Variants in LYST observed in about 807,000 individuals in gnomAD.
The protein encoded by LYST is lysosomal-trafficking regulator.
Under a neutral mutation model 413.6 loss-of-function variants are expected in LYST, and 192 were observed. The ratio of observed to expected loss-of-function variants is 0.46; its 90% CI spans 0.41 to 0.52. The LOEUF (loss-of-function observed/expected upper bound fraction) is 0.52, where lower values mean the gene tolerates loss of function less well. LYST is among the 20% of genes least tolerant of loss of function. The pLI, the probability that LYST is intolerant of heterozygous loss-of-function variation, is 0.00. For synonymous variants in LYST, 1,525 were observed against 1,567.3 expected, an observed-to-expected ratio of 0.97 and a Z score of 0.64; for missense variants, 3,815 against 4,499.9, an observed-to-expected ratio of 0.85 and a Z score of 4.35.
chr1:235,806,246 A>G lies in LYST; in HGVS notation c.2890T>C (p.Trp964Arg), dbSNP rs780712280. ...PEHMHQAADI[W>R]SMCRWIYMLS... ...ATGTAGATCCAACGACACATAGACC[A>G]AATGTCTGCTGCTTGGTGCATATGT... Residue 964 changes from tryptophan to arginine, a missense_variant, in exon 6 of 53, where the codon TGG (tryptophan) becomes CGG (arginine). Around this residue, in one of 4 missense-constraint regions of LYST, gnomAD observed 1,648 missense variants for 1,810.3 expected, o/e 0.91. Transcript: ENST00000389793. 6.2e-7 allele frequency: 1 copy of G among 1,614,042 alleles called. No homozygotes were observed.
chr1:235,741,487 A>G lies in LYST; in HGVS notation c.8293T>C (p.Phe2765Leu), dbSNP rs1665397410. Reference protein sequence around the residue: ...AHAAQERKQIFEIVHEPNHQE... With the variant: ...AHAAQERKQILEIVHEPNHQE... ...TGATTTGGTTCATGAACTATTTCAAAAATTTGCTTTCTCTCTTGTGCAGCG... is the reference window on the plus strand; with the variant it reads ...TGATTTGGTTCATGAACTATTTCAAGAATTTGCTTTCTCTCTTGTGCAGCG... The change falls in exon 31 of 53, where the codon TTT becomes CTT. Residue 2765 changes from phenylalanine (F) to leucine (L), a missense_variant. By Grantham distance (22) the Phe-to-Leu change is conservative. Transcript: ENST00000389793. The G allele has an allele frequency of 6.2e-7, 1 of 1,614,164 alleles. No individual in the cohort carries two copies. The highest frequency in any genetic ancestry group is 8.5e-7 in the Non-Finnish European group (1 of 1,180,030).
intron 22 of LYST, among the ~76,000 whole-genome samples, chr1:235,761,169 T>C (rs1463190467): frequency 2.0e-5 from 3 of 152,138 alleles, no homozygotes; most frequent in Admixed American, 2.0e-4. Context: ...TAAAAGAGCA[T>C]AAAAAGTGCT....
rs568063356 is a variant in LYST, at chr1:235,736,412, TGAG to T, written c.8359-1756_8359-1754del. Reference sequence around the variant, plus strand: ...GTCATGGCCAAATGAATGGATAGAATGAGGATATAGATAGACAAAGGAGAGAGA... The same window carrying T: ...GTCATGGCCAAATGAATGGATAGAATGATATAGATAGACAAAGGAGAGAGA... On this transcript the variant is annotated intron_variant, in intron 31 of 52. Transcript: ENST00000389793. 109 of 152,178 alleles carry T rather than the reference TGAG, an allele frequency of 7.2e-4. 2 individuals carry two copies. Among genetic ancestry groups the T allele is most frequent in the African/African-American group, 2.4e-3 (98 of 41,544 alleles). The allele number at this position is 152,178 out of a possible 1,614,324, so 9.4% of individuals were successfully genotyped here.
chr1:235,881,792 T>C (rs1198883639), intron 1 of LYST, among the ~76,000 whole-genome samples: 1 of 152,094 alleles, frequency 6.6e-6, no homozygotes, highest in Non-Finnish European at 1.5e-5. Flanking sequence ...ATCCTATATA[T>C]ATCATGTATG....
intron 50 of LYST, among the ~76,000 whole-genome samples, chr1:235,670,912 TA>T (rs1481769736): frequency 6.6e-6 from 1 of 152,112 alleles, no homozygotes; most frequent in Admixed American, 6.6e-5. Context: ...ATAACCCTAG[TA>T]AAACAAAAAC....
At position 235,709,214 on chromosome 1, in the gene LYST, G is replaced by A; in HGVS notation, c.10020C>T (p.Ile3340=). Residue 3340 remains isoleucine (I), a synonymous_variant, in exon 44 of 53, where the codon ATC becomes ATT. Coordinates refer to ENST00000389793, the MANE Select transcript of LYST (RefSeq NM_000081.4). ...ARNDPRLFIL[I]HRQALESDYV... ...AGTCAGACTCTAGAGCCTGCCGATG[G>A]ATGAGGATAAAAAGACGAGGATCAT... 6.2e-7 allele frequency: 1 copy of A among 1,614,140 alleles called. No individual in the cohort carries two copies. Among genetic ancestry groups the A allele is most frequent in the Non-Finnish European group, 8.5e-7 (1 of 1,180,000 alleles).
chr1:235,750,586 G>A (rs1666388574), intron 28 of LYST, among the ~76,000 whole-genome samples: 1 of 152,208 alleles, frequency 6.6e-6, no homozygotes, highest in Admixed American at 6.5e-5. Context: ...ATATATGTAT[G>A]TGTGTATATC....
rs143253866 is a variant in LYST, at chr1:235,680,756, G to A, written c.10801-3137C>T. On this transcript the variant is annotated intron_variant, in intron 48 of 52. Coordinates refer to ENST00000389793, the MANE Select transcript of LYST (RefSeq NM_000081.4). ...TGGAATTACAGGCAGCTGCCACCAC[G>A]CCCGGCTAATTTTTGTATTTTTAGT... Among the ~76,000 whole-genome samples the A allele has an allele frequency of 1.5e-3, 230 of 152,008 alleles. 2 individuals are homozygous for A. The highest frequency in any genetic ancestry group is 5.2e-3 in the African/African-American group (216 of 41,458).
At chr1:235,738,857 T>A (rs1665068829) in intron 31 of LYST, 2 of 764,938 alleles carry the variant, frequency 2.6e-6, no homozygotes, top group Non-Finnish European at 4.9e-6. Context: ...ATGTCTTCCT[T>A]AGCATTCCTT....
At chr1:235,856,854 G>A (rs1679246143) in intron 1 of LYST, among the ~76,000 whole-genome samples, 1 of 151,612 alleles carries the variant, frequency 6.6e-6, no homozygotes, top group Non-Finnish European at 1.5e-5. Flanking sequence ...AAGGTACAAT[G>A]AAGTCTAGAC....
intron 45 of LYST, among the ~76,000 whole-genome samples, chr1:235,697,969 C>T (rs147271107): frequency 3.7e-4 from 56 of 152,190 alleles, no homozygotes; most frequent in African/African-American, 5.8e-4. Flanking sequence ...TGGCTGCCCA[C>T]GAACGGTAAT....
intron 26 of LYST, among the ~76,000 whole-genome samples, chr1:235,752,549 C>T (rs1297295912): frequency 6.6e-6 from 1 of 152,106 alleles, no homozygotes; most frequent in African/African-American, 2.4e-5. Flanking sequence ...TGAACAGGAA[C>T]ATTCTGCGAA....
At chr1:235,728,244 G>A in intron 37 of LYST, 113 bp from the exon 38 acceptor site, 2 of 772,192 alleles carry the variant, frequency 2.6e-6, no homozygotes, top group Non-Finnish European at 4.7e-6. Context: ...TCACTACCTC[G>A]ACACAGTTCC....
intron 3 of LYST, among the ~76,000 whole-genome samples, chr1:235,813,300 A>G (rs375375564): frequency 1.3e-5 from 2 of 152,216 alleles, no homozygotes; most frequent in African/African-American, 4.8e-5. Flanking sequence ...ACTCCTGCTG[A>G]TATTTCCAAA....
chr1:235,730,921 A>C lies in LYST; in HGVS notation c.8970T>G (p.Ser2990=), dbSNP rs1348975824. The C allele has an allele frequency of 6.2e-7, 1 of 1,613,472 alleles. No individual in the cohort carries two copies. The highest frequency in any genetic ancestry group is 1.7e-5 in the Admixed American group (1 of 60,024). Residue 2990 remains serine (S), a synonymous_variant, in exon 36 of 53, where the codon TCT becomes TCG. Coordinates refer to ENST00000389793, the MANE Select transcript of LYST (RefSeq NM_000081.4). ...KSEDVVKPPL[S]YLFEDKTHSS... ...AATGAGTTTTGTCTTCAAACAGGTAAGAGAGTGGTGGTTTGACAACATCTG... is the reference window on the plus strand; with the variant it reads ...AATGAGTTTTGTCTTCAAACAGGTACGAGAGTGGTGGTTTGACAACATCTG...
chr1:235,838,216 G>GT (rs1187987645), intron 1 of LYST, among the ~76,000 whole-genome samples: 1 of 152,208 alleles, frequency 6.6e-6, no homozygotes, highest in Admixed American at 6.5e-5. Context: ...ACTGATGAGT[G>GT]TAACAGGGTC....
intron 44 of LYST, 74 bp downstream of exon 44, chr1:235,709,017 G>T: frequency 7.5e-7 from 1 of 1,337,736 alleles, no homozygotes; most frequent in Non-Finnish European, 1.1e-6. Flanking sequence ...TTAAAGGAAT[G>T]GCCGAACAAC....
intron 1 of LYST, among the ~76,000 whole-genome samples, chr1:235,857,537 TGAG>T (rs1012729397): frequency 6.6e-6 from 1 of 151,020 alleles, no homozygotes; most frequent in African/African-American, 2.4e-5. Flanking sequence ...GAAAGAGAAA[TGAG>T]GAGGAGGAGA....
chr1:235,817,557 C>T (rs1346910657), intron 3 of LYST, among the ~76,000 whole-genome samples: 1 of 152,162 alleles, frequency 6.6e-6, no homozygotes, highest in Non-Finnish European at 1.5e-5. Context: ...AGATCATGTC[C>T]TTTGTAGCAA....
Sources: gnomAD v4.1 joint callset for allele counts (sites outside exome capture counted in the v4.1 genomes callset) on GRCh38, gnomAD v4.1.1 for gene constraint, gnomAD v4.1.1 regional missense constraint, MANE v1.5 for transcripts, NCBI Gene and HGNC (gene_info 2026-07-23, HGNC 2026-07-21) for gene names.